Variants in NT5DC1 observed in about 807,000 individuals in gnomAD.
NT5DC1 encodes 5'-nucleotidase domain-containing protein 1.
In NT5DC1, 42 loss-of-function variants were observed where a neutral mutation model predicts 59.4. The observed-to-expected ratio is 0.71, with a 90% CI of 0.55 to 0.92. NT5DC1 has a LOEUF of 0.92. Among genes scored for constraint, NT5DC1 ranks in the 40% least tolerant of loss-of-function variants. The pLI is 0.00. For synonymous variants in NT5DC1, 172 were observed against 188.1 expected, an observed-to-expected ratio of 0.91 and a Z score of 0.70; for missense variants, 501 against 537.1, an observed-to-expected ratio of 0.93 and a Z score of 0.66.
chr6:116,126,701 C>G (rs1045375085), intron 6 of NT5DC1, among the ~76,000 whole-genome samples: 6 of 152,112 alleles, frequency 3.9e-5, no homozygotes, highest in Non-Finnish European at 8.8e-5. Context: ...TAAATGACTT[C>G]AGATTTTCTT....
At chr6:116,161,108 G>T (rs891340864) in intron 6 of NT5DC1, among the ~76,000 whole-genome samples, 15 of 149,100 alleles carry the variant, frequency 1.0e-4, no homozygotes, top group Non-Finnish European at 1.0e-4. Flanking sequence ...ACCAAACACC[G>T]CATGTTCTCA....
chr6:116,146,117 A>G (rs1779893255), intron 6 of NT5DC1, among the ~76,000 whole-genome samples: 1 of 152,214 alleles, frequency 6.6e-6, no homozygotes, highest in Admixed American at 6.5e-5. Flanking sequence ...GTTACAGTTA[A>G]TACTAATGAA....
chr6:116,102,634 G>A (rs1287533270), intron 1 of NT5DC1, among the ~76,000 whole-genome samples: 2 of 152,174 alleles, frequency 1.3e-5, no homozygotes, highest in East Asian at 1.9e-4. Context: ...AAGACAAGAG[G>A]TTTTTTTACT....
intron 6 of NT5DC1, among the ~76,000 whole-genome samples, chr6:116,168,188 T>C (rs1040261368): frequency 6.6e-6 from 1 of 151,810 alleles, no homozygotes; most frequent in Non-Finnish European, 1.5e-5. Context: ...TCTAAAAATA[T>C]TGTTCTGCTC....
chr6:116,119,687 AAAAGG>A (rs1211929030), intron 6 of NT5DC1: 1 of 180,256 alleles, frequency 5.5e-6, no homozygotes, highest in Non-Finnish European at 1.2e-5. Context: ...GGCTTTTTTA[AAAAGG>A]AAATGCCGAG....
At chr6:116,202,983 C>T (rs1781377703) in intron 6 of NT5DC1, among the ~76,000 whole-genome samples, 1 of 151,938 alleles carries the variant, frequency 6.6e-6, no homozygotes, top group South Asian at 2.1e-4. Flanking sequence ...CTTTTCCAAA[C>T]ATGGTTTTTC....
intron 6 of NT5DC1, among the ~76,000 whole-genome samples, chr6:116,162,898 C>T (rs967448453): frequency 7.9e-5 from 12 of 151,854 alleles, no homozygotes; most frequent in African/African-American, 2.7e-4. Flanking sequence ...GAGGCCAAGG[C>T]GGGCAGATCA....
chr6:116,153,630 G>A (rs1226113514), intron 6 of NT5DC1, among the ~76,000 whole-genome samples: 3 of 152,110 alleles, frequency 2.0e-5, no homozygotes, highest in African/African-American at 7.2e-5. Context: ...TTAGGCTTCA[G>A]AAATAGAAAA....
chr6:116,211,654 G>A (rs1199137740), intron 6 of NT5DC1, among the ~76,000 whole-genome samples: 2 of 152,016 alleles, frequency 1.3e-5, no homozygotes, highest in African/African-American at 2.4e-5. Context: ...TAGAGTCCAC[G>A]AAGTATATTT....
intron 6 of NT5DC1, among the ~76,000 whole-genome samples, chr6:116,172,317 CTTTT>C (rs71554843): frequency 9.3e-6 from 1 of 108,026 alleles, no homozygotes; most frequent in Non-Finnish European, 1.8e-5. Flanking sequence ...CCCTTAGTAA[CTTTT>C]TTTTTTTTTT....
chr6:116,143,926 T>A (rs1293948181), intron 6 of NT5DC1, among the ~76,000 whole-genome samples: 1 of 152,240 alleles, frequency 6.6e-6, no homozygotes, highest in African/African-American at 2.4e-5. Flanking sequence ...ATATTTGTAA[T>A]GCTTTATAAT....
rs73772264 is a variant in NT5DC1 at position 116,130,339 on chromosome 6, G to A, written c.529+12394G>A. Among the ~76,000 whole-genome samples the A allele has an allele frequency of 6.0e-3, 919 of 152,140 alleles. 13 individuals are homozygous for A. The highest frequency in any genetic ancestry group is 0.044 in the South Asian group (211 of 4,816). ...TAATGTATTGTATGTGTTTCAGTCC[G>A]TGGCACTTATTAATCTTACTATTGT... is the stretch of plus-strand genomic sequence containing the variant. On this transcript the variant is annotated intron_variant, in intron 6 of 11. Coordinates refer to ENST00000319550, the MANE Select transcript of NT5DC1 (RefSeq NM_152729.3).
intron 6 of NT5DC1, among the ~76,000 whole-genome samples, chr6:116,196,414 A>G (rs1012445963): frequency 6.6e-6 from 1 of 151,972 alleles, no homozygotes; most frequent in Non-Finnish European, 1.5e-5. Flanking sequence ...ACCTAATAGC[A>G]TTTAAATCTT....
rs1562116356 is a variant in NT5DC1, at chr6:116,106,282, G to A, written c.132G>A (p.Glu44=). Residue 44 remains glutamate (E), a synonymous_variant, in exon 2 of 12, where the codon GAG becomes GAA. Coordinates refer to ENST00000319550, the MANE Select transcript of NT5DC1 (RefSeq NM_152729.3). ...YNSFAQFLVK[E]KGYDKELLNV... ...GCTTTGCCCAGTTCCTAGTTAAGGAGAAAGGGTACGATAAGGAATTGCTCA... is the reference window on the plus strand; with the variant it reads ...GCTTTGCCCAGTTCCTAGTTAAGGAAAAAGGGTACGATAAGGAATTGCTCA... The A allele has an allele frequency of 6.3e-7, 1 of 1,592,312 alleles. No individual in the cohort carries two copies.
rs183414491 is a variant in NT5DC1, at chr6:116,215,761, C to G, written c.530-5293C>G. On this transcript the variant is annotated intron_variant, in intron 6 of 11. Coordinates refer to ENST00000319550, the MANE Select transcript of NT5DC1 (RefSeq NM_152729.3). ...ATGGCAACAGGGGAGTTGACTAGGC[C>G]AAGTGCAGACAATATGGCGTGGTGG... Among the ~76,000 whole-genome samples, 502 of 152,140 alleles carry G rather than the reference C, an allele frequency of 3.3e-3. 15 individuals are homozygous for G. In the South Asian group the frequency reaches 0.046, roughly 14 times the overall value.
intron 6 of NT5DC1, among the ~76,000 whole-genome samples, chr6:116,217,355 C>T (rs1461152296): frequency 1.3e-5 from 2 of 152,036 alleles, no homozygotes; most frequent in African/African-American, 4.8e-5. Flanking sequence ...AAAGAATTTC[C>T]TTTAAATCTC....
intron 8 of NT5DC1, among the ~76,000 whole-genome samples, chr6:116,229,433 C>T (rs1004406245): frequency 3.9e-5 from 6 of 152,212 alleles, no homozygotes; most frequent in Non-Finnish European, 5.9e-5. Flanking sequence ...TAGCGAGTCG[C>T]ACAGGTTTGA....
intron 6 of NT5DC1, among the ~76,000 whole-genome samples, chr6:116,218,365 CTA>C (rs1372187910): frequency 1.3e-5 from 2 of 152,038 alleles, no homozygotes; most frequent in Non-Finnish European, 2.9e-5. Context: ...GAAAGCAAGT[CTA>C]TGTTTTCAGC....
chr6:116,111,080 T>A lies in NT5DC1; in HGVS notation c.364+124T>A, dbSNP rs1778867251. On this transcript the variant is annotated intron_variant, in intron 4 of 11. Coordinates refer to ENST00000319550, the MANE Select transcript of NT5DC1 (RefSeq NM_152729.3). ...GGGCAGGATGCCAAAGGGAGCAGCTTCAGCTTTATAGCAATAGGATGTATT... is the reference window on the plus strand; with the variant it reads ...GGGCAGGATGCCAAAGGGAGCAGCTACAGCTTTATAGCAATAGGATGTATT... The A allele has an allele frequency of 6.2e-6, 4 of 648,824 alleles. No individual in the cohort carries two copies. The South Asian group carries it at 7.6e-5, about 12-fold the overall frequency. 40.2% of individuals were successfully genotyped at this position (648,824 alleles called of 1,614,324 possible).
Sources: gnomAD v4.1 joint callset for allele counts (sites outside exome capture counted in the v4.1 genomes callset) on GRCh38, gnomAD v4.1.1 for gene constraint, MANE v1.5 for transcripts, NCBI Gene and HGNC (gene_info 2026-07-23, HGNC 2026-07-21) for gene names.